Variants in GRID2 observed in about 807,000 individuals in gnomAD.
GRID2 encodes the protein glutamate receptor ionotropic, delta-2.
Under a neutral mutation model 114.8 loss-of-function variants are expected in GRID2, and 33 were observed. The observed-to-expected ratio is 0.29, with a 90% CI of 0.22 to 0.38. GRID2 has a LOEUF of 0.38. GRID2 is among the 10% of genes least tolerant of loss of function. The pLI is 1.00. For synonymous variants in GRID2, 505 were observed against 449.9 expected (o/e 1.12, Z -1.55); for missense variants, 1,184 against 1,257.7 (o/e 0.94, Z 0.89).
intron 2 of GRID2, among the ~76,000 whole-genome samples, chr4:92,781,035 A>G (rs1398840003): frequency 6.6e-6 from 1 of 152,140 alleles, no homozygotes; most frequent in East Asian, 1.9e-4. Context: ...CTGTGAGGTC[A>G]GGAGTTTGAG....
At chr4:92,819,432 T>C (rs1318620276) in intron 2 of GRID2, among the ~76,000 whole-genome samples, 1 of 152,036 alleles carries the variant, frequency 6.6e-6, no homozygotes, top group Non-Finnish European at 1.5e-5. Flanking sequence ...GAAGAGTGAA[T>C]AGGGTTTAAA....
At chr4:93,302,493 G>A (rs745688120) in intron 8 of GRID2, 14 of 447,344 alleles carry the variant, frequency 3.1e-5, no homozygotes, top group Non-Finnish European at 5.8e-5. Flanking sequence ...TGAGCAATGC[G>A]AACATAATAT....
At chr4:92,676,169 C>T (rs12648348) in intron 2 of GRID2, among the ~76,000 whole-genome samples, 6 of 85,700 alleles carry the variant, frequency 7.0e-5, no homozygotes, top group East Asian at 7.7e-4. Flanking sequence ...CCCCCCCCCC[C>T]CTTTTTTTTT....
intron 11 of GRID2, among the ~76,000 whole-genome samples, chr4:93,487,831 G>C (rs1414576538): frequency 1.3e-5 from 2 of 151,846 alleles, no homozygotes; most frequent in Non-Finnish European, 2.9e-5. Flanking sequence ...TCTAGTTGTT[G>C]TCAGTGGGAG....
At chr4:93,398,133 G>GTGTGTGTGTGTATATATATATA in intron 9 of GRID2, among the ~76,000 whole-genome samples, 7 of 122,354 alleles carry the variant, frequency 5.7e-5, no homozygotes, top group South Asian at 5.3e-4. Context: ...ATGTGTGTGT[G>GTGTGTGTGTGTATATATATATA]TATATATATA....
At chr4:92,810,003 T>G (rs1484616407) in intron 2 of GRID2, among the ~76,000 whole-genome samples, 1 of 152,062 alleles carries the variant, frequency 6.6e-6, no homozygotes, top group East Asian at 1.9e-4. Context: ...TGATAGATAC[T>G]GAGGGTTCTA....
chr4:92,858,150 G>A (rs555135959), intron 2 of GRID2, among the ~76,000 whole-genome samples: 8 of 152,320 alleles, frequency 5.3e-5, no homozygotes, highest in African/African-American at 1.9e-4. Flanking sequence ...TGTATGAGGA[G>A]ACTTATGTTG....
intron 1 of GRID2, among the ~76,000 whole-genome samples, chr4:92,474,014 G>T (rs185658958): frequency 6.8e-5 from 10 of 146,044 alleles, no homozygotes; most frequent in Admixed American, 2.8e-4. Context: ...GTACGTATGC[G>T]ATGACAACAA....
At position 93,626,410 on chromosome 4, in the gene GRID2, C is replaced by A; in HGVS notation, c.2335C>A (p.Pro779Thr). The A allele has an allele frequency of 5.0e-6, 8 of 1,607,392 alleles. No individual in the cohort carries two copies. Among genetic ancestry groups the A allele is most frequent in the Non-Finnish European group, 6.8e-6 (8 of 1,176,798 alleles). Residue 779 changes from proline (P) to threonine (T), a missense_variant, in exon 14 of 16, where the codon CCT becomes ACT. By Grantham distance (38) the Pro-to-Thr change is conservative. This residue lies in a region of GRID2 where 717 missense variants were observed against 796.9 expected (regional missense o/e 0.90). Transcript: ENST00000282020. ...GYGIALQHGS[P>T]YRDVFSQRIL... ...TGGAATTGCATTACAACATGGCAGT[C>A]CTTACCGAGATGTTTTTTCACAAAG... is the stretch of plus-strand genomic sequence containing the variant.
chr4:92,898,121 C>T (rs957074226), intron 2 of GRID2, among the ~76,000 whole-genome samples: 11 of 152,224 alleles, frequency 7.2e-5, no homozygotes, highest in African/African-American at 1.4e-4. Flanking sequence ...AGTTATTTCT[C>T]ACTGATCATT....
At chr4:92,985,548 T>A (rs910348910) in intron 2 of GRID2, among the ~76,000 whole-genome samples, 12 of 152,138 alleles carry the variant, frequency 7.9e-5, no homozygotes, top group Non-Finnish European at 1.6e-4. Context: ...GTAAAAATAT[T>A]TTTTATATGG....
chr4:93,750,681 G>T (rs112989210), intron 14 of GRID2, among the ~76,000 whole-genome samples: 2 of 151,926 alleles, frequency 1.3e-5, no homozygotes, highest in African/African-American at 4.8e-5. Context: ...GCGTGAACCC[G>T]GGAGGCAGAG....
intron 1 of GRID2, among the ~76,000 whole-genome samples, chr4:92,319,862 C>CGG (rs1560565758): frequency 2.6e-5 from 4 of 152,158 alleles, no homozygotes; most frequent in Non-Finnish European, 5.9e-5. Flanking sequence ...ATAACAATAG[C>CGG]TCCCACCTTG....
At chr4:93,020,394 G>A (rs1723166067) in intron 2 of GRID2, among the ~76,000 whole-genome samples, 1 of 151,984 alleles carries the variant, frequency 6.6e-6, no homozygotes, top group African/African-American at 2.4e-5. Flanking sequence ...AAATCCTGCT[G>A]TTCATATACA....
rs569681161 is a variant in GRID2 at position 92,882,227 on chromosome 4, A to G, written c.245-202768A>G. On this transcript the variant is annotated intron_variant, in intron 2 of 15. Transcript: ENST00000282020. ...GATGGAGCCTCATTTAGGGCTCATC[A>G]GAAGCTGTGAACGCTGCAATATGGT... 2.4e-4 allele frequency among the ~76,000 whole-genome samples: 36 copies of G among 152,332 alleles called. 1 individual carries two copies. The South Asian group carries it at 7.5e-3, about 32-fold the overall frequency.
intron 1 of GRID2, among the ~76,000 whole-genome samples, chr4:92,486,592 A>ACACACAC (rs1579450017): frequency 1.1e-5 from 1 of 91,348 alleles, no homozygotes; most frequent in African/African-American, 3.9e-5. Flanking sequence ...CACACACACA[A>ACACACAC]ACACAGATAA....
At chr4:92,552,872 C>G (rs977162321) in intron 1 of GRID2, among the ~76,000 whole-genome samples, 5 of 152,176 alleles carry the variant, frequency 3.3e-5, no homozygotes, top group African/African-American at 1.2e-4. Flanking sequence ...TGACCCATCT[C>G]AGGCATAGCT....
chr4:93,093,884 C>T (rs139739066), intron 3 of GRID2, among the ~76,000 whole-genome samples: 200 of 152,122 alleles, frequency 1.3e-3, no homozygotes, highest in Non-Finnish European at 1.6e-3. Context: ...ACCTATTGTA[C>T]AGCAATAAGC....
intron 2 of GRID2, among the ~76,000 whole-genome samples, chr4:92,616,523 T>C (rs1294705171): frequency 6.6e-6 from 1 of 151,634 alleles, no homozygotes; most frequent in Non-Finnish European, 1.5e-5. Context: ...AATACTAGCT[T>C]CTTGAAATTT....
Sources: gnomAD v4.1 joint callset for allele counts (sites outside exome capture counted in the v4.1 genomes callset) on GRCh38, gnomAD v4.1.1 for gene constraint, gnomAD v4.1.1 regional missense constraint, MANE v1.5 for transcripts, NCBI Gene and HGNC (gene_info 2026-07-23, HGNC 2026-07-21) for gene names.